The following MYO10 variants were observed in gnomAD, a reference collection of about 807,000 sequenced individuals.
MYO10 encodes unconventional myosin-X.
A neutral mutation model predicts 257.3 loss-of-function variants in MYO10; 133 were observed. That is an observed-to-expected ratio of 0.52 (90% CI 0.45 to 0.60). The LOEUF (loss-of-function observed/expected upper bound fraction) is 0.60. Among genes scored for constraint, MYO10 ranks in the 20% least tolerant of loss-of-function variants. The pLI is 0.00. For missense variants in MYO10, 2,399 were observed against 2,635.7 expected (o/e 0.91, Z 1.97); for synonymous variants, 1,104 against 1,028.6 (o/e 1.07, Z -1.40).
intron 4 of MYO10, among the ~76,000 whole-genome samples, chr5:16,790,195 T>C (rs1741711630): frequency 6.6e-6 from 1 of 152,024 alleles, no homozygotes; most frequent in South Asian, 2.1e-4. Context: ...ACTCAAGTTT[T>C]GAAAAACCAA....
At chr5:16,734,422 C>G (rs948085547) in intron 19 of MYO10, among the ~76,000 whole-genome samples, 3 of 152,184 alleles carry the variant, frequency 2.0e-5, no homozygotes, top group African/African-American at 7.2e-5. Flanking sequence ...ACGGTGCCCA[C>G]GTTCAAATGA....
At chr5:16,670,291 G>A (rs1297433426) in intron 39 of MYO10, among the ~76,000 whole-genome samples, 1 of 152,178 alleles carries the variant, frequency 6.6e-6, no homozygotes, top group Non-Finnish European at 1.5e-5. Context: ...TAGAAGAATA[G>A]ATGACATCTT....
At position 16,838,828 on chromosome 5, in the gene MYO10, A is replaced by C. The variant is rs931957638; in HGVS notation, c.121-20661T>G. On this transcript the variant is annotated intron_variant, in intron 2 of 40. Coordinates refer to ENST00000513610, the MANE Select transcript of MYO10 (RefSeq NM_012334.3). Reference sequence around the variant, plus strand: ...TCATTTACCATTCTGAAAACGTTAGAGCTCTTAAGAATTATGCTAAATCTA... The same window carrying C: ...TCATTTACCATTCTGAAAACGTTAGCGCTCTTAAGAATTATGCTAAATCTA... Among the ~76,000 whole-genome samples, 5 of 152,232 alleles carry C rather than the reference A, an allele frequency of 3.3e-5. No homozygotes were observed. In the South Asian group the frequency reaches 1.0e-3, roughly 32 times the overall value.
intron 3 of MYO10, among the ~76,000 whole-genome samples, chr5:16,796,163 T>C (rs1163450219): frequency 7.9e-6 from 1 of 126,366 alleles, no homozygotes. Context: ...CACTCCAACC[T>C]GGGCGACAGA....
At chr5:16,739,191 C>CA (rs1218627544) in intron 19 of MYO10, among the ~76,000 whole-genome samples, 5,118 of 96,316 alleles carry the variant, frequency 0.053, 158 homozygotes, top group East Asian at 0.18. Flanking sequence ...AATCATGTCC[C>CA]AAAAAAAAAA....
At chr5:16,911,290 A>G (rs1745649810) in intron 1 of MYO10, among the ~76,000 whole-genome samples, 1 of 152,246 alleles carries the variant, frequency 6.6e-6, no homozygotes. Context: ...AAACCAACCC[A>G]AAGGAAAACA....
chr5:16,870,401 T>G (rs2126755289), intron 2 of MYO10, among the ~76,000 whole-genome samples: 2 of 151,562 alleles, frequency 1.3e-5, no homozygotes, highest in Middle Eastern at 6.8e-3. Flanking sequence ...CCAATGTGGT[T>G]GGTCCAGCAA....
At chr5:16,734,793 G>A (rs1158305097) in intron 19 of MYO10, among the ~76,000 whole-genome samples, 3 of 146,410 alleles carry the variant, frequency 2.0e-5, no homozygotes, top group African/African-American at 5.1e-5. Context: ...TGACAAGCAC[G>A]AAACTCTGTC....
intron 19 of MYO10, among the ~76,000 whole-genome samples, chr5:16,730,682 A>G (rs1739546082): frequency 6.6e-6 from 1 of 152,206 alleles, no homozygotes; most frequent in Non-Finnish European, 1.5e-5. Context: ...AAGACAGAAT[A>G]CAGAGACCCA....
intron 2 of MYO10, among the ~76,000 whole-genome samples, chr5:16,842,980 C>T (rs1743528964): frequency 6.6e-6 from 1 of 151,602 alleles, no homozygotes; most frequent in Non-Finnish European, 1.5e-5. Context: ...GATAAGATGC[C>T]TGCTCCTACT....
intron 18 of MYO10, among the ~76,000 whole-genome samples, chr5:16,755,720 C>CT (rs544255942): frequency 0.031 from 4,041 of 130,790 alleles, 184 homozygotes; most frequent in East Asian, 0.15. Flanking sequence ...TCTTTTCCAA[C>CT]TTTTTTTTTT....
chr5:16,759,533 T>G (rs556724289), intron 17 of MYO10, among the ~76,000 whole-genome samples: 5 of 152,302 alleles, frequency 3.3e-5, no homozygotes, highest in African/African-American at 1.2e-4. Flanking sequence ...GTGAAGCAAG[T>G]GAACAGCCCC....
At chr5:16,785,727 G>A (rs31572) in intron 4 of MYO10, among the ~76,000 whole-genome samples, 24,739 of 151,928 alleles carry the variant, frequency 0.16, 2,067 homozygotes, top group African/African-American at 0.18. Flanking sequence ...AAAATTAGCC[G>A]GGCGTGGTGG....
chr5:16,902,407 C>G (rs1387971261), intron 1 of MYO10: 3 of 1,211,702 alleles, frequency 2.5e-6, no homozygotes, highest in South Asian at 1.2e-5. Context: ...TTGCTGAGAA[C>G]TGCACAACTC....
At chr5:16,820,769 A>G (rs910355063) in intron 2 of MYO10, among the ~76,000 whole-genome samples, 1 of 151,980 alleles carries the variant, frequency 6.6e-6, no homozygotes, top group African/African-American at 2.4e-5. Flanking sequence ...ATAATCATAC[A>G]TAATACTTAA....
At position 16,783,424 on chromosome 5, in the gene MYO10, G is replaced by A. The variant is rs1741482760; in HGVS notation, c.513C>T (p.Leu171=). 6.2e-7 allele frequency: 1 copy of A among 1,610,704 alleles called. No homozygotes were observed. The highest frequency in any genetic ancestry group is 8.5e-7 in the Non-Finnish European group (1 of 1,178,600). The change falls in exon 5 of 41, where the codon CTC becomes CTT. Residue 171 remains leucine (L), a synonymous_variant. Coordinates refer to ENST00000513610, the MANE Select transcript of MYO10 (RefSeq NM_012334.3). ...AGKTESTKLI[L]KFLSVISQQS... ...GTTGACTGATGACTGACAGAAACTTGAGGATCAATTTAGTGCTTTCGGTTT... is the reference window on the plus strand; with the variant it reads ...GTTGACTGATGACTGACAGAAACTTAAGGATCAATTTAGTGCTTTCGGTTT...
Position 16,885,639 on chromosome 5 carries a change from T to C in MYO10, c.22-7932A>G, listed in dbSNP as rs571884176. Among the ~76,000 whole-genome samples, 6 of 147,070 alleles carry C rather than the reference T, an allele frequency of 4.1e-5. No homozygotes were observed. In the East Asian group the frequency reaches 1.1e-3, roughly 28 times the overall value. Reference sequence around the variant, plus strand: ...GTGAGCCAAGATCATACCACTGCACTCCAGCCCAGGCAACAGGGCAAGACT... The same window carrying C: ...GTGAGCCAAGATCATACCACTGCACCCCAGCCCAGGCAACAGGGCAAGACT... On this transcript the variant is annotated intron_variant, in intron 1 of 40. Coordinates refer to ENST00000513610, the MANE Select transcript of MYO10 (RefSeq NM_012334.3).
At chr5:16,750,522 G>T (rs73755196) in intron 19 of MYO10, among the ~76,000 whole-genome samples, 1 of 152,120 alleles carries the variant, frequency 6.6e-6, no homozygotes, top group East Asian at 1.9e-4. Context: ...GCAGCCTGCC[G>T]TAGCAGCCAG....
chr5:16,927,384 G>A (rs747968518), intron 1 of MYO10, among the ~76,000 whole-genome samples: 11 of 152,160 alleles, frequency 7.2e-5, no homozygotes, highest in Non-Finnish European at 1.6e-4. Context: ...GAGTGCAGTG[G>A]CACAATCTCG....
Sources: allele counts gnomAD v4.1 joint callset (sites outside exome capture counted in the v4.1 genomes callset), GRCh38; gene constraint gnomAD v4.1.1; transcripts MANE v1.5; gene names NCBI Gene and HGNC (gene_info 2026-07-23, HGNC 2026-07-21).